CDK7: variants seen among roughly 807,000 people sequenced by gnomAD.
CDK7 encodes cyclin-dependent kinase 7.
In CDK7, 25 loss-of-function variants were observed where a neutral mutation model predicts 49.1. The observed-to-expected ratio is 0.51, with a 90% CI of 0.37 to 0.71. The LOEUF is 0.71. CDK7 is among the 30% of genes least tolerant of loss of function. CDK7 has a pLI of 0.00. For synonymous variants in CDK7, 107 were observed against 140.0 expected (o/e 0.76, Z 1.67); for missense variants, 316 against 411.7 (o/e 0.77, Z 2.01).
At chr5:69,244,294 A>G (rs1749583555) in intron 2 of CDK7, among the ~76,000 whole-genome samples, 1 of 152,094 alleles carries the variant, frequency 6.6e-6, no homozygotes, top group East Asian at 1.9e-4. Context: ...TGATTTTTGT[A>G]TCCTGCAACT....
At chr5:69,246,269 T>A (rs1225104017) in intron 2 of CDK7, among the ~76,000 whole-genome samples, 1 of 152,124 alleles carries the variant, frequency 6.6e-6, no homozygotes, top group Non-Finnish European at 1.5e-5. Flanking sequence ...CCTGAGTAGC[T>A]GGGATTACAG....
At position 69,252,431 on chromosome 5, in the gene CDK7, A is replaced by G; in HGVS notation, c.140A>G (p.His47Arg). ...IVAIKKIKLGHRSEAKDGINR... is the reference protein window; with the variant it reads ...IVAIKKIKLGRRSEAKDGINR... ...CGTTTCTACCAGATCAAACTTGGACATAGATCAGAAGCTAAAGATGGTAAG... is the reference window on the plus strand; with the variant it reads ...CGTTTCTACCAGATCAAACTTGGACGTAGATCAGAAGCTAAAGATGGTAAG... Residue 47 changes from histidine (H) to arginine (R), a missense_variant, in exon 3 of 12, where the codon CAT (histidine) becomes CGT (arginine). Transcript: ENST00000256443. 1 of 1,558,540 alleles carries G rather than the reference A, an allele frequency of 6.4e-7. No homozygotes were observed. Among genetic ancestry groups the G allele is most frequent in the Non-Finnish European group, 8.7e-7 (1 of 1,149,788 alleles).
intron 8 of CDK7, among the ~76,000 whole-genome samples, 192 bp from the exon 9 acceptor site, chr5:69,269,015 C>G (rs1427818785): frequency 1.3e-5 from 2 of 151,870 alleles, no homozygotes; most frequent in Non-Finnish European, 2.9e-5. Context: ...TGGTGGCATG[C>G]CCCTGCAGTC....
At chr5:69,274,329 G>A (rs1052971669) in intron 10 of CDK7, among the ~76,000 whole-genome samples, 1 of 152,166 alleles carries the variant, frequency 6.6e-6, no homozygotes, top group African/African-American at 2.4e-5. Context: ...TGATTTAGAA[G>A]TAATGCTTTA....
intron 8 of CDK7, among the ~76,000 whole-genome samples, chr5:69,268,967 ACCT>A (rs1273914322): frequency 2.0e-5 from 3 of 148,536 alleles, no homozygotes; most frequent in Non-Finnish European, 4.5e-5. Context: ...ACATGGCAAA[ACCT>A]CATCTCTACT....
chr5:69,270,116 G>A lies in CDK7; in HGVS notation c.714+823G>A, dbSNP rs192878056. Among the ~76,000 whole-genome samples the A allele has an allele frequency of 1.5e-3, 216 of 145,202 alleles. 1 individual carries two copies. The highest frequency in any genetic ancestry group is 5.2e-3 in the African/African-American group (204 of 39,362). On this transcript the variant is annotated intron_variant, in intron 9 of 11. Coordinates refer to ENST00000256443, the MANE Select transcript of CDK7 (RefSeq NM_001799.4). ...TTCTTATTTTGAGAATATTATTCAC[G>A]TGCAATTGTGAATATATAATTCACA...
chr5:69,256,402 G>A (rs1750493882), intron 5 of CDK7, among the ~76,000 whole-genome samples: 1 of 151,992 alleles, frequency 6.6e-6, no homozygotes, highest in Non-Finnish European at 1.5e-5. Flanking sequence ...TACCCGTGCT[G>A]GAGTACAGTG....
rs1239445486 is a variant in CDK7 at position 69,267,482 on chromosome 5, TA to T, written c.628-1720del. On this transcript the variant is annotated intron_variant, in intron 8 of 11. Coordinates refer to ENST00000256443, the MANE Select transcript of CDK7 (RefSeq NM_001799.4). ...CCCGCCTAGTTTTTGTATTTTTTAG[TA>T]AAAATGGTTTTGTGATGTTGACCAG... Among the ~76,000 whole-genome samples, 3 of 151,694 alleles carry T rather than the reference TA, an allele frequency of 2.0e-5. No individual in the cohort carries two copies. The Admixed American group carries it at 2.0e-4, about 10-fold the overall frequency.
rs528447007 is a variant in CDK7 at position 69,243,453 on chromosome 5, G to A, written c.126+8000G>A. Among the ~76,000 whole-genome samples, 3 of 152,316 alleles carry A rather than the reference G, an allele frequency of 2.0e-5. No individual in the cohort carries two copies. In the South Asian group the frequency reaches 6.2e-4, roughly 32 times the overall value. ...TGTTGAAAATGAGTTTGCTGTAGAT[G>A]TATGGATTTTTTTCTGGGTTCTCTA... On this transcript the variant is annotated intron_variant, in intron 2 of 11. Transcript: ENST00000256443.
chr5:69,250,850 C>T, intron 2 of CDK7: 1 of 456,734 alleles, frequency 2.2e-6, no homozygotes. Context: ...CTGGTTACCA[C>T]TGCTGATTAT....
At chr5:69,268,506 A>G (rs1003342163) in intron 8 of CDK7, among the ~76,000 whole-genome samples, 1 of 152,182 alleles carries the variant, frequency 6.6e-6, no homozygotes, top group Non-Finnish European at 1.5e-5. Context: ...TTCGTTGCAG[A>G]GTTTTTAAGT....
In CDK7 at chr5:69,253,706, T is replaced by C. The variant is rs180684662; in HGVS notation, c.161-896T>C. On this transcript the variant is annotated intron_variant, in intron 3 of 11. Coordinates refer to ENST00000256443, the MANE Select transcript of CDK7 (RefSeq NM_001799.4). ...TTATCACCTATATGCTGCACACTTA[T>C]ATATGTTGTTAGTCTAGTAGTGGTG... Among the ~76,000 whole-genome samples, 494 of 152,340 alleles carry C rather than the reference T, an allele frequency of 3.2e-3. 3 individuals carry two copies. Among genetic ancestry groups the C allele is most frequent in the African/African-American group, 0.011 (469 of 41,578 alleles).
At chr5:69,247,095 T>C (rs562071255) in intron 2 of CDK7, among the ~76,000 whole-genome samples, 24 of 152,352 alleles carry the variant, frequency 1.6e-4, no homozygotes, top group Middle Eastern at 3.4e-3. Flanking sequence ...ACATTTTCTA[T>C]AAATATCTAT....
chr5:69,244,925 A>G (rs1021536659), intron 2 of CDK7, among the ~76,000 whole-genome samples: 4 of 152,210 alleles, frequency 2.6e-5, no homozygotes, highest in African/African-American at 7.2e-5. Context: ...CTTTTTCAGC[A>G]TCAATTGAAA....
intron 8 of CDK7, among the ~76,000 whole-genome samples, chr5:69,265,290 A>G (rs1751076176): frequency 6.6e-6 from 1 of 152,016 alleles, no homozygotes; most frequent in Admixed American, 6.6e-5. Flanking sequence ...AAATGAGTAC[A>G]ATTATGAAAA....
intron 9 of CDK7, among the ~76,000 whole-genome samples, chr5:69,271,534 A>G (rs1403034096): frequency 6.8e-6 from 1 of 147,054 alleles, no homozygotes; most frequent in East Asian, 2.0e-4. Context: ...TTTTTTCAAG[A>G]CAAGATCTGG....
At chr5:69,258,376 A>ATTTT (rs58004328) in intron 6 of CDK7, among the ~76,000 whole-genome samples, 3 of 105,032 alleles carry the variant, frequency 2.9e-5, no homozygotes, top group African/African-American at 3.8e-5. Flanking sequence ...CCAGTCCCTC[A>ATTTT]TTTTTTTTTT....
Position 69,235,035 on chromosome 5 carries a change from G to A in CDK7, c.60G>A (p.Glu20=), listed in dbSNP as rs2150174923. The change falls in exon 1 of 12, where the codon GAG becomes GAA. Residue 20 remains glutamate, a synonymous_variant. Transcript: ENST00000256443. ...KRYEKLDFLG[E]GQFATVYKAR... ...ATGAGAAGCTGGACTTCCTTGGGGAGGGACAGGTGAGGCTCTCTGGAAGGA... is the reference window on the plus strand; with the variant it reads ...ATGAGAAGCTGGACTTCCTTGGGGAAGGACAGGTGAGGCTCTCTGGAAGGA... 6.2e-7 allele frequency: 1 copy of A among 1,602,284 alleles called. No homozygotes were observed. Among genetic ancestry groups the A allele is most frequent in the East Asian group, 2.2e-5 (1 of 44,474 alleles).
intron 4 of CDK7, 99 bp from the exon 5 acceptor site, chr5:69,255,361 C>T (rs1750417516): frequency 6.2e-6 from 4 of 645,776 alleles, no homozygotes; most frequent in Non-Finnish European, 1.1e-5. Flanking sequence ...GAATTACCAA[C>T]AGTTTAAATG....
Sources: allele counts gnomAD v4.1 joint callset (sites outside exome capture counted in the v4.1 genomes callset), GRCh38; gene constraint gnomAD v4.1.1; transcripts MANE v1.5; gene names NCBI Gene and HGNC (gene_info 2026-07-23, HGNC 2026-07-21).